The following ROBO1 variants were observed in gnomAD, a reference collection of about 807,000 sequenced individuals.
ROBO1 encodes the protein roundabout homolog 1.
ROBO1 carries 149 observed loss-of-function variants against 195.9 expected under a neutral mutation model. That is an observed-to-expected ratio of 0.76 (90% CI 0.67 to 0.87). The LOEUF (loss-of-function observed/expected upper bound fraction) is 0.87, where lower values mean the gene tolerates loss of function less well. ROBO1 is among the 40% of genes least tolerant of loss of function. ROBO1 has a pLI of 0.00. For synonymous variants in ROBO1, 816 were observed against 733.2 expected, an observed-to-expected ratio of 1.11 and a Z score of -1.82; for missense variants, 1,933 against 2,068.3, an observed-to-expected ratio of 0.93 and a Z score of 1.27.
At chr3:79,558,241 AC>A (rs1319741019) in intron 2 of ROBO1, among the ~76,000 whole-genome samples, 1 of 151,874 alleles carries the variant, frequency 6.6e-6, no homozygotes, top group African/African-American at 2.4e-5. Context: ...CATCTCTGCC[AC>A]CCCTGAGACA....
intron 4 of ROBO1, among the ~76,000 whole-genome samples, chr3:78,815,282 G>A (rs2084864236): frequency 6.6e-6 from 1 of 152,132 alleles, no homozygotes; most frequent in Non-Finnish European, 1.5e-5. Flanking sequence ...TGAAAGCTGA[G>A]CTAGACCAAA....
chr3:78,917,237 T>C (rs888415520), intron 4 of ROBO1, among the ~76,000 whole-genome samples: 5 of 151,598 alleles, frequency 3.3e-5, no homozygotes, highest in Admixed American at 1.3e-4. Context: ...GCCAAGATTA[T>C]AGGTGCCCGC....
intron 2 of ROBO1, among the ~76,000 whole-genome samples, chr3:79,268,699 A>G (rs989458426): frequency 2.0e-5 from 3 of 151,660 alleles, no homozygotes; most frequent in Non-Finnish European, 3.0e-5. Flanking sequence ...CACATAGCCT[A>G]CTTATATGAG....
At chr3:78,680,640 C>G (rs1261526668) in intron 10 of ROBO1, among the ~76,000 whole-genome samples, 1 of 150,324 alleles carries the variant, frequency 6.7e-6, no homozygotes, top group African/African-American at 2.5e-5. Context: ...GAGATACCAT[C>G]TCACACCAGT....
intron 4 of ROBO1, among the ~76,000 whole-genome samples, chr3:78,751,578 T>C (rs2082797738): frequency 6.6e-6 from 1 of 152,146 alleles, no homozygotes; most frequent in East Asian, 1.9e-4. Flanking sequence ...TAATTCTAAA[T>C]ACACAAGTAT....
intron 1 of ROBO1, among the ~76,000 whole-genome samples, chr3:79,663,781 G>T (rs1576197334): frequency 6.6e-6 from 1 of 152,014 alleles, no homozygotes; most frequent in African/African-American, 2.4e-5. Context: ...TTCAGTTCAA[G>T]AAACCATAGT....
chr3:78,979,446 T>C (rs2076947192), intron 3 of ROBO1, among the ~76,000 whole-genome samples: 1 of 152,168 alleles, frequency 6.6e-6, no homozygotes. Flanking sequence ...ATTGTTGAAA[T>C]TTACAGTCCC....
chr3:78,867,130 G>A (rs919615630), intron 4 of ROBO1, among the ~76,000 whole-genome samples: 2 of 152,116 alleles, frequency 1.3e-5, no homozygotes, highest in African/African-American at 2.4e-5. Context: ...AAGGAAATTC[G>A]TTGCCCTTAA....
chr3:79,453,789 C>A (rs1013505175), intron 2 of ROBO1, among the ~76,000 whole-genome samples: 1 of 152,086 alleles, frequency 6.6e-6, no homozygotes, highest in Non-Finnish European at 1.5e-5. Flanking sequence ...ACTATCCAAG[C>A]ACGAGACAAG....
intron 2 of ROBO1, among the ~76,000 whole-genome samples, chr3:79,141,928 G>A (rs1031220981): frequency 2.0e-5 from 3 of 151,184 alleles, no homozygotes; most frequent in South Asian, 2.1e-4. Context: ...GTTTTCCTGC[G>A]TATTATTTGT....
intron 1 of ROBO1, among the ~76,000 whole-genome samples, chr3:79,624,151 G>C (rs1945093852): frequency 6.6e-6 from 1 of 151,988 alleles, no homozygotes; most frequent in Non-Finnish European, 1.5e-5. Context: ...AAATGCTGAG[G>C]GATTTCATTA....
intron 2 of ROBO1, among the ~76,000 whole-genome samples, chr3:79,233,218 AG>A (rs1423876555): frequency 6.6e-6 from 1 of 152,078 alleles, no homozygotes; most frequent in Non-Finnish European, 1.5e-5. Context: ...AAAATGTGCA[AG>A]AAAAAGCATG....
In ROBO1 at chr3:79,634,045, G is replaced by T. The variant is rs569605127; in HGVS notation, c.-50-44084C>A. Among the ~76,000 whole-genome samples, 3 of 152,114 alleles carry T rather than the reference G, an allele frequency of 2.0e-5. 1 individual carries two copies. The South Asian group carries it at 6.2e-4, about 32-fold the overall frequency. ...AAAGAGTGAGTTTGAATAAATGTGT[G>T]GAATATTATTGAGCTCTGACTTATA... On this transcript the variant is annotated intron_variant, in intron 1 of 30. Transcript: ENST00000464233.
chr3:79,623,977 C>T (rs571248465), intron 1 of ROBO1, among the ~76,000 whole-genome samples: 2 of 152,284 alleles, frequency 1.3e-5, no homozygotes, highest in South Asian at 4.1e-4. Flanking sequence ...AAGGGAAGCT[C>T]ATTAGGCTAC....
intron 4 of ROBO1, among the ~76,000 whole-genome samples, chr3:78,934,179 T>C (rs540218579): frequency 5.9e-5 from 9 of 151,996 alleles, no homozygotes; most frequent in Middle Eastern, 3.4e-3. Flanking sequence ...GTGAAAGCAA[T>C]AGCAAAAACA....
In ROBO1 at chr3:78,938,677, A is replaced by G; in HGVS notation, c.423T>C (p.Asp141=). Residue 141 remains aspartate, a synonymous_variant, in exon 4 of 31, where the codon GAT becomes GAC. Transcript: ENST00000464233. ...TTGCTACACAGACATAGACTCCTTC[A>G]TCAGGTCTACTTTTCCGTCCATGTA... ...RIVHGRKSRP[D]EGVYVCVARN... is the part of the protein sequence containing the mutation. The G allele has an allele frequency of 6.2e-7, 1 of 1,613,990 alleles. No homozygotes were observed. The highest frequency in any genetic ancestry group is 8.5e-7 in the Non-Finnish European group (1 of 1,179,892).
At chr3:79,386,006 G>A (rs1172806868) in intron 2 of ROBO1, among the ~76,000 whole-genome samples, 3 of 151,946 alleles carry the variant, frequency 2.0e-5, no homozygotes, top group South Asian at 2.1e-4. Context: ...ATAATTTTGG[G>A]AAAATAACGT....
At chr3:79,744,534 T>C (rs2134308) in intron 1 of ROBO1, among the ~76,000 whole-genome samples, 151,627 of 152,230 alleles carry the variant, frequency 1, 75,515 homozygotes, top group Middle Eastern at 1. Context: ...AGGCCAGAGA[T>C]CTAGCTCTCT....
At chr3:78,960,799 C>G (rs1045181811) in intron 3 of ROBO1, among the ~76,000 whole-genome samples, 2 of 146,594 alleles carry the variant, frequency 1.4e-5, no homozygotes, top group Non-Finnish European at 3.1e-5. Context: ...CACACACACA[C>G]ACACACACAC....
Sources: gnomAD v4.1 joint callset for allele counts (sites outside exome capture counted in the v4.1 genomes callset) on GRCh38, gnomAD v4.1.1 for gene constraint, MANE v1.5 for transcripts, NCBI Gene and HGNC (gene_info 2026-07-23, HGNC 2026-07-21) for gene names.